Variants in FLACC1 observed in about 807,000 individuals in gnomAD.
FLACC1 encodes flagellum associated containing coiled-coil domains 1, also known as flagellum-associated coiled-coil domain-containing protein 1.
Under a neutral mutation model 62.8 loss-of-function variants are expected in FLACC1, and 66 were observed. The ratio of observed to expected loss-of-function variants is 1.05; its 90% CI spans 0.86 to 1.29. The LOEUF (loss-of-function observed/expected upper bound fraction) is 1.29. FLACC1 is among the 50% of genes most tolerant of loss of function. The pLI is 0.00. For missense variants in FLACC1, 452 were observed against 489.1 expected (o/e 0.92, Z 0.71); for synonymous variants, 156 against 161.0 (o/e 0.97, Z 0.24).
rs1217566656 is a variant in FLACC1 at position 201,326,073 on chromosome 2, A to G, written c.675+4397T>C. 6.6e-6 allele frequency among the ~76,000 whole-genome samples: 1 copy of G among 152,210 alleles called. No homozygotes were observed. The highest frequency in any genetic ancestry group is 1.5e-5 in the Non-Finnish European group (1 of 68,034). On this transcript the variant is annotated intron_variant, in intron 9 of 14. Transcript: ENST00000392257. The surrounding 1 kb of genome is among the most constrained non-coding windows in gnomAD (Gnocchi z 4.1). ...CAGAATTGAAAACAAAAAACACATG[A>G]TCATCTCAATAGATTCAGAAAAAGC... is the stretch of plus-strand genomic sequence containing the variant.
chr2:201,335,546 T>G (rs1490874355), intron 7 of FLACC1, among the ~76,000 whole-genome samples: 1 of 152,190 alleles, frequency 6.6e-6, no homozygotes, highest in Non-Finnish European at 1.5e-5. Context: ...TATGTGTCTG[T>G]TTTTTTATGC....
rs1951129576 is a variant in FLACC1, at chr2:201,356,981, C to T, written c.-48+1G>A. 1 of 152,158 alleles carries T rather than the reference C, an allele frequency of 6.6e-6. No individual in the cohort carries two copies. The highest frequency in any genetic ancestry group is 6.5e-5 in the Admixed American group (1 of 15,286). The allele number at this position is 152,158 out of a possible 1,614,324, so 9.4% of individuals were successfully genotyped here. A position where few individuals can be genotyped will look rare whatever the true frequency, so the allele number is the denominator to read the frequency against. Reference sequence around the variant, plus strand: ...TAAAACATCTTTTCCAAAGAGCTTACCTTGGACTGCCCAAAGATCTGTTAT... The same window carrying T: ...TAAAACATCTTTTCCAAAGAGCTTATCTTGGACTGCCCAAAGATCTGTTAT... On this transcript the variant is annotated splice_donor_variant, in intron 1 of 14. Transcript: ENST00000392257. LOFTEE classifies it low-confidence loss of function (5UTR_SPLICE).
upstream of FLACC1, among the ~76,000 whole-genome samples, chr2:201,361,820 C>T (rs890046431): frequency 1.3e-5 from 2 of 152,140 alleles, no homozygotes; most frequent in African/African-American, 4.8e-5. Context: ...TTTTGTGAAA[C>T]AATACTTTGA....
At chr2:201,288,872 C>T (rs1458682555) in intron 14 of FLACC1, 91 bp from the exon 15 acceptor site, 8 of 1,433,896 alleles carry the variant, frequency 5.6e-6, no homozygotes, top group East Asian at 4.7e-5. Flanking sequence ...AATGTGCCTT[C>T]GTTCCTTCAC....
rs114118267 is a variant in FLACC1 at position 201,289,810 on chromosome 2, G to A, written c.943-25C>T. On this transcript the variant is annotated intron_variant, in intron 12 of 14. Transcript: ENST00000392257. ...CCTGCATAAGAAGAAGCTGTTGCAG[G>A]ACATCATGCCAATGTCTATTTATTT... 3.3e-4 allele frequency: 535 copies of A among 1,614,172 alleles called. 2 individuals carry two copies. In the African/African-American group the frequency reaches 5.3e-3, roughly 16 times the overall value.
chr2:201,329,436 T>C (rs960626901), intron 9 of FLACC1, among the ~76,000 whole-genome samples: 11 of 152,322 alleles, frequency 7.2e-5, no homozygotes, highest in African/African-American at 2.6e-4. Context: ...AGCAATCCCA[T>C]TACTGGGTAT....
intron 11 of FLACC1, 112 bp from the exon 12 acceptor site, chr2:201,299,412 C>T (rs1949932598): frequency 1.3e-6 from 1 of 798,854 alleles, no homozygotes; most frequent in Middle Eastern, 2.3e-4. Context: ...AAAGCTTAGA[C>T]ACTGCTATAA....
chr2:201,343,582 T>A (rs1199481520), intron 6 of FLACC1, among the ~76,000 whole-genome samples: 1 of 152,088 alleles, frequency 6.6e-6, no homozygotes, highest in Non-Finnish European at 1.5e-5. Context: ...TCAACAACCC[T>A]GGGGAGGATA....
At chr2:201,358,411 ATTTTTTT>A (rs529458487), upstream of FLACC1, among the ~76,000 whole-genome samples, 459 of 120,402 alleles carry the variant, frequency 3.8e-3, 3 homozygotes, top group African/African-American at 0.014. Flanking sequence ...TGCCCAGCTA[ATTTTTTT>A]TTTTTTTTTT....
intron 7 of FLACC1, among the ~76,000 whole-genome samples, chr2:201,337,044 G>A (rs564097848): frequency 6.6e-6 from 1 of 152,216 alleles, no homozygotes; most frequent in South Asian, 2.1e-4. Flanking sequence ...TGAGTCCTCT[G>A]TCAAATGAGT....
intron 11 of FLACC1, among the ~76,000 whole-genome samples, chr2:201,302,574 A>C (rs1026095751): frequency 6.6e-6 from 1 of 152,222 alleles, no homozygotes; most frequent in African/African-American, 2.4e-5. Context: ...CTCTGCACCA[A>C]GTGGACCTAA....
intron 7 of FLACC1, among the ~76,000 whole-genome samples, chr2:201,336,466 C>T (rs10171829): frequency 0.028 from 4,267 of 152,226 alleles, 201 homozygotes; most frequent in African/African-American, 0.096. Context: ...ATGTGATGAA[C>T]AAACGTATGC....
At chr2:201,296,006 G>A (rs895569387) in intron 12 of FLACC1, among the ~76,000 whole-genome samples, 5 of 152,060 alleles carry the variant, frequency 3.3e-5, no homozygotes, top group Non-Finnish European at 7.4e-5. Flanking sequence ...AAAAAGTCAG[G>A]AAACAACAGG....
intron 9 of FLACC1, among the ~76,000 whole-genome samples, chr2:201,318,856 C>G (rs1950349151): frequency 6.6e-6 from 1 of 152,140 alleles, no homozygotes; most frequent in African/African-American, 2.4e-5. Flanking sequence ...GAAAACCAAA[C>G]ATCGTATGTT....
upstream of FLACC1, among the ~76,000 whole-genome samples, chr2:201,362,044 T>C (rs775609555): frequency 6.6e-6 from 1 of 152,160 alleles, no homozygotes; most frequent in Non-Finnish European, 1.5e-5. Flanking sequence ...CCTTAACTCA[T>C]AAAAACTAAT....
intron 9 of FLACC1, among the ~76,000 whole-genome samples, chr2:201,317,969 T>G (rs2125576607): frequency 6.6e-6 from 1 of 152,126 alleles, no homozygotes; most frequent in African/African-American, 2.4e-5. Context: ...GATCTTTGAC[T>G]AAGCAAACAC....
At position 201,339,409 on chromosome 2, in the gene FLACC1, G is replaced by T. The variant is rs536922594; in HGVS notation, c.524+2961C>A. Reference sequence around the variant, plus strand: ...GTATTGTTTTTTTAGTTTCTATTTCGTTTAGTTCTGGTCTGATTTTTATTA... The same window carrying T: ...GTATTGTTTTTTTAGTTTCTATTTCTTTTAGTTCTGGTCTGATTTTTATTA... On this transcript the variant is annotated intron_variant, in intron 7 of 14. Transcript: ENST00000392257. Among the ~76,000 whole-genome samples the T allele has an allele frequency of 4.6e-5, 7 of 151,604 alleles. No homozygotes were observed. The East Asian group carries it at 1.4e-3, about 29-fold the overall frequency.
intron 3 of FLACC1, among the ~76,000 whole-genome samples, chr2:201,349,998 C>G (rs2125622431): frequency 6.6e-6 from 1 of 152,334 alleles, no homozygotes; most frequent in African/African-American, 2.4e-5. Context: ...TGGCAATTCT[C>G]TAACATCCCT....
At chr2:201,330,641 A>G in intron 8 of FLACC1, 95 bp downstream of exon 8, 1 of 1,537,484 alleles carries the variant, frequency 6.5e-7, no homozygotes, top group South Asian at 1.2e-5. Flanking sequence ...AGGTAGTAAA[A>G]CCTTTGTGTG....
Sources: gnomAD v4.1 joint callset for allele counts (sites outside exome capture counted in the v4.1 genomes callset) on GRCh38, gnomAD v4.1.1 for gene constraint, Gnocchi (gnomAD v3.1) non-coding constraint, MANE v1.5 for transcripts, NCBI Gene and HGNC (gene_info 2026-07-23, HGNC 2026-07-21) for gene names.